The following COL26A1 variants were observed in gnomAD, a reference collection of about 807,000 sequenced individuals.
COL26A1 encodes the protein collagen alpha-1(XXVI) chain.
A neutral mutation model predicts 59.3 loss-of-function variants in COL26A1; 41 were observed. The ratio of observed to expected loss-of-function variants is 0.69; its 90% CI spans 0.54 to 0.90. The LOEUF (loss-of-function observed/expected upper bound fraction) is 0.90. COL26A1 is among the 40% of genes least tolerant of loss of function. The pLI is 0.00. For synonymous variants in COL26A1, 266 were observed against 256.0 expected (o/e 1.04, Z -0.37); for missense variants, 612 against 602.3 (o/e 1.02, Z -0.17).
At chr7:101,484,888 C>G (rs1413217432) in intron 3 of COL26A1, among the ~76,000 whole-genome samples, 1 of 149,198 alleles carries the variant, frequency 6.7e-6, no homozygotes, top group South Asian at 2.1e-4. Context: ...GAGTTTTGCT[C>G]TTGTTACCCA....
At position 101,455,503 on chromosome 7, in the gene COL26A1, C is replaced by CTTTTTTTTTTTT. The variant is rs10690062; in HGVS notation, c.385+7722_385+7733dup. The stretch of plus-strand genomic sequence containing the variant: ...CTGTTTGGTAAGTTTCTTTTCTTTT[C>CTTTTTTTTTTTT]TTTTTTTTTTTTTTTTTGAGACTGA... On this transcript the variant is annotated intron_variant, in intron 3 of 12. Coordinates refer to ENST00000313669, the MANE Select transcript of COL26A1 (RefSeq NM_001278563.3). 1.2e-4 allele frequency among the ~76,000 whole-genome samples: 14 copies of CTTTTTTTTTTTT among 116,536 alleles called. 1 individual carries two copies. Among genetic ancestry groups the CTTTTTTTTTTTT allele is most frequent in the African/African-American group, 2.7e-4 (8 of 29,252 alleles). 76.5% of individuals were successfully genotyped at this position (116,536 alleles called of 152,430 possible).
At chr7:101,416,946 T>C (rs1792383213) in intron 1 of COL26A1, among the ~76,000 whole-genome samples, 1 of 149,824 alleles carries the variant, frequency 6.7e-6, no homozygotes, top group African/African-American at 2.4e-5. Flanking sequence ...TTTCACCATG[T>C]TGCCCAGGCT....
At chr7:101,507,918 C>T (rs1794845368) in intron 3 of COL26A1, among the ~76,000 whole-genome samples, 1 of 152,164 alleles carries the variant, frequency 6.6e-6, no homozygotes, top group African/African-American at 2.4e-5. Flanking sequence ...AAGGAAAAAG[C>T]GCCCCTTCCT....
intron 2 of COL26A1, among the ~76,000 whole-genome samples, chr7:101,433,620 TAA>T (rs1792832214): frequency 1.3e-5 from 2 of 152,132 alleles, no homozygotes; most frequent in South Asian, 4.2e-4. Context: ...GTGATGCTTA[TAA>T]ACCACTGAGA....
chr7:101,463,248 C>T (rs1793656067), intron 3 of COL26A1, among the ~76,000 whole-genome samples: 1 of 152,170 alleles, frequency 6.6e-6, no homozygotes, highest in South Asian at 2.1e-4. Flanking sequence ...TTGGATGCCT[C>T]ATATAAGTGA....
intron 1 of COL26A1, among the ~76,000 whole-genome samples, chr7:101,378,681 A>C (rs116597849): frequency 1.3e-5 from 2 of 151,870 alleles, no homozygotes; most frequent in Admixed American, 1.3e-4. Flanking sequence ...AGCTGTTTGC[A>C]CTCATGACTG....
chr7:101,547,569 G>A (rs1795764325), intron 8 of COL26A1, among the ~76,000 whole-genome samples: 1 of 152,240 alleles, frequency 6.6e-6, no homozygotes, highest in Non-Finnish European at 1.5e-5. Context: ...CCCTACCTTT[G>A]AGGCAGAAAC....
rs61226546 is a variant in COL26A1, at chr7:101,473,234, C to G, written c.385+25447C>G. On this transcript the variant is annotated intron_variant, in intron 3 of 12. Transcript: ENST00000313669. ...AGCTGGGACTACAGGCGCCCGCCAC[C>G]ACGCCTGGCTAATTTTTTGTATTTT... is the stretch of plus-strand genomic sequence containing the variant. Among the ~76,000 whole-genome samples the G allele has an allele frequency of 4.8e-3, 736 of 152,172 alleles. 4 individuals are homozygous for G. Among genetic ancestry groups the G allele is most frequent in the African/African-American group, 0.016 (669 of 41,528 alleles).
chr7:101,505,752 C>A (rs1324040448), intron 3 of COL26A1, among the ~76,000 whole-genome samples: 1 of 152,208 alleles, frequency 6.6e-6, no homozygotes, highest in Non-Finnish European at 1.5e-5. Context: ...TTTCCCAGTC[C>A]ACTGACTCAA....
chr7:101,525,589 C>T lies in COL26A1; in HGVS notation c.386-7493C>T, dbSNP rs192617606. ...TTGGCTCACTGCAAGCTCCGCCTCC[C>T]GGGTTCAAGCAATTCTCCTGCCTCA... On this transcript the variant is annotated intron_variant, in intron 3 of 12. Coordinates refer to ENST00000313669, the MANE Select transcript of COL26A1 (RefSeq NM_001278563.3). Among the ~76,000 whole-genome samples the T allele has an allele frequency of 4.8e-3, 712 of 147,804 alleles. 9 individuals carry two copies. Among genetic ancestry groups the T allele is most frequent in the African/African-American group, 0.015 (616 of 39,978 alleles).
intron 1 of COL26A1, among the ~76,000 whole-genome samples, chr7:101,365,820 G>A (rs1331100309): frequency 6.7e-6 from 1 of 149,326 alleles, no homozygotes; most frequent in Non-Finnish European, 1.5e-5. Flanking sequence ...GTGTGGGAAG[G>A]AAAAAAAAAA....
rs1179517335 is a variant in COL26A1, at chr7:101,363,216, G to A, written c.158+26G>A. Reference sequence around the variant, plus strand: ...GTGAGTAGCTCGGGGCCGAGGGGCCGGGGGGTGGGGGGAGGGAGCGGACAG... The same window carrying A: ...GTGAGTAGCTCGGGGCCGAGGGGCCAGGGGGTGGGGGGAGGGAGCGGACAG... On this transcript the variant is annotated intron_variant, in intron 1 of 12. Coordinates refer to ENST00000313669, the MANE Select transcript of COL26A1 (RefSeq NM_001278563.3). 9.2e-6 allele frequency: 12 copies of A among 1,305,598 alleles called. No homozygotes were observed. In the South Asian group the frequency reaches 1.5e-4, roughly 16 times the overall value. 80.9% of individuals were successfully genotyped at this position (1,305,598 alleles called of 1,614,324 possible). A position where few individuals can be genotyped will look rare whatever the true frequency, so the allele number is the denominator to read the frequency against.
In COL26A1 at chr7:101,521,216, AC is replaced by A. The variant is rs202153164; in HGVS notation, c.386-11861del. Among the ~76,000 whole-genome samples, 384 of 152,122 alleles carry A rather than the reference AC, an allele frequency of 2.5e-3. 1 individual carries two copies. Among genetic ancestry groups the A allele is most frequent in the African/African-American group, 9.0e-3 (373 of 41,482 alleles). ...ATCACAAAAACAGCACGGGGAGACCACCCCCATGATCCAGTCACCTCCCACC... is the reference window on the plus strand; with the variant it reads ...ATCACAAAAACAGCACGGGGAGACCACCCCATGATCCAGTCACCTCCCACC... On this transcript the variant is annotated intron_variant, in intron 3 of 12. Transcript: ENST00000313669.
intron 2 of COL26A1, 21 bp from the exon 3 acceptor site, chr7:101,447,663 C>T: frequency 9.3e-6 from 14 of 1,512,760 alleles, no homozygotes; most frequent in Non-Finnish European, 1.2e-5. Flanking sequence ...TCATGCCCCC[C>T]TGACGCTGTC....
intron 3 of COL26A1, among the ~76,000 whole-genome samples, chr7:101,514,100 C>G (rs1462771552): frequency 6.6e-6 from 1 of 152,072 alleles, no homozygotes; most frequent in Non-Finnish European, 1.5e-5. Context: ...CTTTGGGAGG[C>G]CGGGGTGGGT....
chr7:101,462,922 G>A (rs973525459), intron 3 of COL26A1, among the ~76,000 whole-genome samples: 4 of 152,246 alleles, frequency 2.6e-5, no homozygotes, highest in Admixed American at 2.6e-4. Flanking sequence ...ATGGGGCCGG[G>A]ACACTTCGTG....
At chr7:101,471,587 T>G (rs559765428) in intron 3 of COL26A1, among the ~76,000 whole-genome samples, 1,716 of 108,268 alleles carry the variant, frequency 0.016, 51 homozygotes, top group African/African-American at 0.053. Context: ...TTTTTTTTTT[T>G]TTTTTTTTTT....
chr7:101,512,045 G>A (rs1563020373), intron 3 of COL26A1, among the ~76,000 whole-genome samples: 1 of 152,096 alleles, frequency 6.6e-6, no homozygotes, highest in African/African-American at 2.4e-5. Context: ...GAATTCATAA[G>A]GCAGGAATGT....
intron 10 of COL26A1, among the ~76,000 whole-genome samples, chr7:101,552,219 A>G (rs953946259): frequency 2.6e-5 from 4 of 152,246 alleles, no homozygotes; most frequent in Non-Finnish European, 5.9e-5. Context: ...TGAGATAGAT[A>G]CTATTACTGA....
Sources: gnomAD v4.1 joint callset for allele counts (sites outside exome capture counted in the v4.1 genomes callset) on GRCh38, gnomAD v4.1.1 for gene constraint, MANE v1.5 for transcripts, NCBI Gene and HGNC (gene_info 2026-07-23, HGNC 2026-07-21) for gene names.